The following EMID1 variants were observed in gnomAD, a reference collection of about 807,000 sequenced individuals.
EMID1 encodes the protein EMI domain containing 1.
Under a neutral mutation model 60.6 loss-of-function variants are expected in EMID1, and 40 were observed. That is an observed-to-expected ratio of 0.66 (90% CI 0.51 to 0.86). The LOEUF (loss-of-function observed/expected upper bound fraction) is 0.86, where lower values mean the gene tolerates loss of function less well. EMID1 is among the 40% of genes least tolerant of loss of function. The pLI is 0.00. For missense variants in EMID1, 585 were observed against 597.1 expected (o/e 0.98, Z 0.21); for synonymous variants, 242 against 231.0 (o/e 1.05, Z -0.43).
At chr22:29,216,317 C>T (rs2040081206) in intron 3 of EMID1, 1 of 985,348 alleles carries the variant, frequency 1.0e-6, no homozygotes. Context: ...CTCTCCTCTC[C>T]TCCAGGCACC....
chr22:29,236,495 AG>A lies in EMID1; in HGVS notation c.1074+2147del, dbSNP rs1476380453. On this transcript the variant is annotated intron_variant, in intron 12 of 14. Coordinates refer to ENST00000334018, the MANE Select transcript of EMID1 (RefSeq NM_133455.4). The stretch of plus-strand genomic sequence containing the variant: ...CACCTGAGGTCAGGAGTTTGAGACC[AG>A]CCTGGCCAACATGGTGAAACCCCGT... 2.6e-5 allele frequency among the ~76,000 whole-genome samples: 4 copies of A among 152,254 alleles called. No homozygotes were observed. In the East Asian group the frequency reaches 5.8e-4, roughly 22 times the overall value.
At chr22:29,210,198 G>A (rs1276971711) in intron 1 of EMID1, among the ~76,000 whole-genome samples, 1 of 151,976 alleles carries the variant, frequency 6.6e-6, no homozygotes, top group East Asian at 1.9e-4. Flanking sequence ...CCTAAGGAGA[G>A]GATTCAAGCA....
At chr22:29,255,200 C>A in intron 14 of EMID1, 1 of 629,466 alleles carries the variant, frequency 1.6e-6, no homozygotes, top group Non-Finnish European at 2.6e-6. Flanking sequence ...TCCCACCCTC[C>A]CCGCTTGGCT....
chr22:29,255,419 C>T, intron 14 of EMID1: 1 of 1,292,066 alleles, frequency 7.7e-7, no homozygotes, highest in Non-Finnish European at 1.0e-6. Flanking sequence ...TGGAAAAGGC[C>T]TGGGCATGCA....
At chr22:29,215,393 G>T in intron 2 of EMID1, 134 bp from the exon 3 acceptor site, 1 of 1,277,254 alleles carries the variant, frequency 7.8e-7, no homozygotes, top group South Asian at 1.5e-5. Context: ...CAAAATGCAG[G>T]AGAGAGCCTC....
At chr22:29,244,013 A>G (rs77630306) in intron 13 of EMID1, among the ~76,000 whole-genome samples, 2,345 of 152,318 alleles carry the variant, frequency 0.015, 79 homozygotes, top group African/African-American at 0.054. Context: ...CACCATACAC[A>G]TCGGAAATTC....
At chr22:29,250,261 A>G (rs2041477755) in intron 13 of EMID1, among the ~76,000 whole-genome samples, 2 of 152,170 alleles carry the variant, frequency 1.3e-5, no homozygotes, top group South Asian at 2.1e-4. Context: ...GTCTCAATCA[A>G]TCAATCAATA....
rs1192592796 is a variant in EMID1 at position 29,231,621 on chromosome 22, G to A, written c.615G>A (p.Gly205=). Residue 205 remains glycine, a synonymous_variant, in exon 7 of 15, where the codon GGG becomes GGA. Transcript: ENST00000334018. The part of the protein sequence containing the change: ...QDQVGAWGLP[G]PTGPKGDAGS... ...AAGTCGGTGCTTGGGGGCTTCCCGGGCCCACCGGCCCCAAGGGAGATGCCG... is the reference window on the plus strand; with the variant it reads ...AAGTCGGTGCTTGGGGGCTTCCCGGACCCACCGGCCCCAAGGGAGATGCCG... The A allele has an allele frequency of 2.6e-6, 4 of 1,516,906 alleles. No homozygotes were observed. Among genetic ancestry groups the A allele is most frequent in the Non-Finnish European group, 2.7e-6 (3 of 1,128,908 alleles). The allele number at this position is 1,516,906 out of a possible 1,614,324, so 94.0% of individuals were successfully genotyped here.
intron 5 of EMID1, among the ~76,000 whole-genome samples, chr22:29,230,818 TG>T (rs1462497216): frequency 6.6e-6 from 1 of 152,146 alleles, no homozygotes; most frequent in African/African-American, 2.4e-5. Flanking sequence ...TTGCCATGTG[TG>T]GTGGTGCATC....
intron 13 of EMID1, among the ~76,000 whole-genome samples, chr22:29,250,489 C>T (rs546024594): frequency 1.8e-4 from 27 of 152,260 alleles, no homozygotes; most frequent in African/African-American, 6.0e-4. Context: ...TATTGTACCT[C>T]GTTAGGAAGC....
intron 13 of EMID1, among the ~76,000 whole-genome samples, chr22:29,250,969 G>T (rs2041508266): frequency 6.6e-6 from 1 of 151,456 alleles, no homozygotes; most frequent in African/African-American, 2.4e-5. Context: ...CCAGGCTGGA[G>T]TGCTATGGCA....
Position 29,216,667 on chromosome 22 carries a change from C to A in EMID1, c.319+1037C>A, listed in dbSNP as rs1164783303. On this transcript the variant is annotated intron_variant, in intron 3 of 14. Coordinates refer to ENST00000334018, the MANE Select transcript of EMID1 (RefSeq NM_133455.4). ...CTTGGGAGATTTGCACACTTCACCT[C>A]CCGGGGACCCTCAACAGCCCAGTTC... 3 of 985,164 alleles carry A rather than the reference C, an allele frequency of 3.0e-6. No homozygotes were observed. In the African/African-American group the frequency reaches 5.2e-5, roughly 17 times the overall value. 61.0% of individuals were successfully genotyped at this position (985,164 alleles called of 1,614,324 possible).
rs1386868096 is a variant in EMID1, at chr22:29,258,825, C to G, written c.1213C>G (p.Leu405Val). Residue 405 changes from leucine (L) to valine (V), a missense_variant, in exon 15 of 15, where the codon CTG becomes GTG. Coordinates refer to ENST00000334018, the MANE Select transcript of EMID1 (RefSeq NM_133455.4). ...CTTCTTCCCTCCGGCAGAACCAGAGCTGGGGTCTGGGGCGGGCCCTGCCGG... is the reference window on the plus strand; with the variant it reads ...CTTCTTCCCTCCGGCAGAACCAGAGGTGGGGTCTGGGGCGGGCCCTGCCGG... ...ETMIGLYEPE[L>V]GSGAGPAGTG... 25 of 1,613,044 alleles carry G rather than the reference C, an allele frequency of 1.5e-5. No individual in the cohort carries two copies. The highest frequency in any genetic ancestry group is 2.0e-5 in the Non-Finnish European group (24 of 1,179,812).
intron 13 of EMID1, among the ~76,000 whole-genome samples, chr22:29,244,776 A>T (rs573247868): frequency 6.6e-6 from 1 of 152,160 alleles, no homozygotes; most frequent in African/African-American, 2.4e-5. Flanking sequence ...ACCCTAAAAC[A>T]TACCATACCC....
chr22:29,212,626 C>T (rs150072264), intron 1 of EMID1, among the ~76,000 whole-genome samples: 6,070 of 151,546 alleles, frequency 0.04, 131 homozygotes, highest in East Asian at 0.094. Context: ...TGCAATGGTG[C>T]GATCTCAGCT....
At chr22:29,253,546 C>T (rs1034832920) in intron 13 of EMID1, among the ~76,000 whole-genome samples, 3 of 152,154 alleles carry the variant, frequency 2.0e-5, no homozygotes, top group Non-Finnish European at 4.4e-5. Flanking sequence ...CGCGCCATTG[C>T]ACTCCAACCT....
rs778746155 is a variant in EMID1 at position 29,259,206 on chromosome 22, C to A, written c.*262C>A. The A allele has an allele frequency of 3.9e-5, 20 of 516,222 alleles. No individual in the cohort carries two copies. The highest frequency in any genetic ancestry group is 5.3e-5 in the Non-Finnish European group (16 of 299,072). 32.0% of individuals were successfully genotyped at this position (516,222 alleles called of 1,614,324 possible). Reference sequence around the variant, plus strand: ...AGGCCTTCAAGGAGGGATAGAGGTACAAGGCTTCGTCTCATCTGCTGTCTG... The same window carrying A: ...AGGCCTTCAAGGAGGGATAGAGGTAAAAGGCTTCGTCTCATCTGCTGTCTG... On this transcript the variant is annotated 3_prime_UTR_variant, in exon 15 of 15. Transcript: ENST00000334018.
rs1468594375 is a variant in EMID1, at chr22:29,214,938, C to T, written c.114C>T (p.Ser38=). The T allele has an allele frequency of 1.4e-5, 21 of 1,540,018 alleles. No homozygotes were observed. The highest frequency in any genetic ancestry group is 1.7e-5 in the Non-Finnish European group (19 of 1,138,176). Residue 38 remains serine, a synonymous_variant, in exon 2 of 15, where the codon TCC becomes TCT. Coordinates refer to ENST00000334018, the MANE Select transcript of EMID1 (RefSeq NM_133455.4). ...APFSGRRNWC[S]YVVTRTISCH... The stretch of plus-strand genomic sequence containing the variant: ...GGGTCTGTTTCAGGAACTGGTGCTC[C>T]TATGTGGTGACCCGCACCATCTCAT...
At chr22:29,229,168 T>C (rs992544128) in intron 5 of EMID1, among the ~76,000 whole-genome samples, 3 of 148,938 alleles carry the variant, frequency 2.0e-5, no homozygotes, top group Non-Finnish European at 4.5e-5. Context: ...ATAGCAAGAC[T>C]CCATCTCTAC....
Sources: gnomAD v4.1 joint callset for allele counts (sites outside exome capture counted in the v4.1 genomes callset) on GRCh38, gnomAD v4.1.1 for gene constraint, MANE v1.5 for transcripts, NCBI Gene and HGNC (gene_info 2026-07-23, HGNC 2026-07-21) for gene names.